The following SLCO1A2 variants were observed in gnomAD, a reference collection of about 807,000 sequenced individuals.
SLCO1A2 encodes OATP-1.
Under a neutral mutation model 69.0 loss-of-function variants are expected in SLCO1A2, and 67 were observed. That is an observed-to-expected ratio of 0.97 (90% CI 0.80 to 1.19). The LOEUF is 1.19. SLCO1A2 is among the 50% of genes most tolerant of loss of function. SLCO1A2 has a pLI of 0.00. For missense variants in SLCO1A2, 787 were observed against 793.7 expected (o/e 0.99, Z 0.10); for synonymous variants, 260 against 265.9 (o/e 0.98, Z 0.22).
chr12:21,413,225 C>CTT (rs1294715900), intron 1 of SLCO1A2, among the ~76,000 whole-genome samples: 3 of 106,998 alleles, frequency 2.8e-5, no homozygotes, highest in African/African-American at 1.1e-4. Context: ...TTCTTCTTTT[C>CTT]TTTTTCTTTT....
intron 2 of SLCO1A2, among the ~76,000 whole-genome samples, chr12:21,327,584 G>T (rs945529193): frequency 6.6e-6 from 1 of 152,194 alleles, no homozygotes; most frequent in African/African-American, 2.4e-5. Context: ...GTGTGACCTG[G>T]ATGTGAGACA....
At chr12:21,401,646 T>C (rs1282533726) in intron 1 of SLCO1A2, among the ~76,000 whole-genome samples, 6 of 151,852 alleles carry the variant, frequency 4.0e-5, no homozygotes, top group Non-Finnish European at 8.8e-5. Context: ...ATATTTTGTT[T>C]ATTTCTACTT....
At chr12:21,309,568 A>C (rs940112325) in intron 4 of SLCO1A2, among the ~76,000 whole-genome samples, 1 of 152,212 alleles carries the variant, frequency 6.6e-6, no homozygotes, top group African/African-American at 2.4e-5. Flanking sequence ...TCCAATCTAG[A>C]ATTTTATCCA....
chr12:21,280,122 G>C (rs184934893), intron 12 of SLCO1A2, among the ~76,000 whole-genome samples: 4 of 151,710 alleles, frequency 2.6e-5, no homozygotes, highest in Admixed American at 2.0e-4. Flanking sequence ...AAATAAAAAA[G>C]CAAGAAATTA....
upstream of SLCO1A2, among the ~76,000 whole-genome samples, chr12:21,418,234 T>C (rs1942019476): frequency 6.6e-6 from 1 of 152,186 alleles, no homozygotes; most frequent in Non-Finnish European, 1.5e-5. Context: ...AAATTCTTCC[T>C]GTCTGCAGAA....
At chr12:21,319,223 T>A in intron 2 of SLCO1A2, 1 of 749,300 alleles carries the variant, frequency 1.3e-6, no homozygotes, top group South Asian at 1.5e-5. Flanking sequence ...AACTTAAACA[T>A]GTCTTCAGAG....
intron 2 of SLCO1A2, among the ~76,000 whole-genome samples, chr12:21,371,809 C>G (rs1939815103): frequency 6.6e-6 from 1 of 152,040 alleles, no homozygotes. Flanking sequence ...TCGAGACCAG[C>G]CTGACCAACA....
intron 1 of SLCO1A2, among the ~76,000 whole-genome samples, chr12:21,387,264 G>C (rs191548017): frequency 3.3e-5 from 5 of 152,184 alleles, no homozygotes; most frequent in Non-Finnish European, 7.3e-5. Context: ...AGAAATTTGC[G>C]TAAGTAACAA....
chr12:21,305,263 G>A (rs528650701), intron 5 of SLCO1A2, among the ~76,000 whole-genome samples: 34 of 152,302 alleles, frequency 2.2e-4, no homozygotes, highest in African/African-American at 7.2e-4. Context: ...AAGATAGGGA[G>A]ATCTCTGAAG....
intron 14 of SLCO1A2, among the ~76,000 whole-genome samples, chr12:21,269,999 T>C (rs1942507485): frequency 6.7e-6 from 1 of 148,586 alleles, no homozygotes; most frequent in Non-Finnish European, 1.5e-5. Flanking sequence ...TCATCTTTTC[T>C]AATGTTTTAT....
chr12:21,275,947 A>C (rs1943750142), intron 12 of SLCO1A2, among the ~76,000 whole-genome samples: 1 of 152,196 alleles, frequency 6.6e-6, no homozygotes, highest in Non-Finnish European at 1.5e-5. Flanking sequence ...ATCTCAAAAA[A>C]AAAAAATTGT....
intron 1 of SLCO1A2, among the ~76,000 whole-genome samples, chr12:21,404,601 G>A (rs1331818163): frequency 7.9e-5 from 12 of 152,162 alleles, no homozygotes; most frequent in Admixed American, 7.9e-4. Context: ...ATTACATGGT[G>A]TATATATACC....
At chr12:21,317,295 C>T (rs906301559) in intron 3 of SLCO1A2, among the ~76,000 whole-genome samples, 7 of 152,186 alleles carry the variant, frequency 4.6e-5, no homozygotes, top group African/African-American at 1.7e-4. Flanking sequence ...CATTCCTAAT[C>T]CTTTCCAACT....
At chr12:21,310,052 T>C (rs1949920264) in intron 4 of SLCO1A2, among the ~76,000 whole-genome samples, 1 of 152,068 alleles carries the variant, frequency 6.6e-6, no homozygotes, top group South Asian at 2.1e-4. Flanking sequence ...AAATAAAAAG[T>C]TATATAAGTA....
intron 13 of SLCO1A2, 177 bp from the exon 14 acceptor site, chr12:21,274,763 A>T: frequency 1.4e-6 from 1 of 693,166 alleles, no homozygotes; most frequent in Non-Finnish European, 2.2e-6. Context: ...CTAAATTATT[A>T]AAAGATAAGT....
chr12:21,367,304 A>G (rs1939460609), intron 2 of SLCO1A2, among the ~76,000 whole-genome samples: 1 of 152,176 alleles, frequency 6.6e-6, no homozygotes, highest in African/African-American at 2.4e-5. Context: ...CATCAAAATA[A>G]GGACATAAAT....
chr12:21,376,317 T>G (rs1303928050), intron 1 of SLCO1A2: 1 of 359,172 alleles, frequency 2.8e-6, no homozygotes, highest in Non-Finnish European at 5.7e-6. Flanking sequence ...TATTACTTTT[T>G]TTGAGATGTT....
chr12:21,360,773 G>A lies in SLCO1A2; in HGVS notation c.-63+13626C>T, dbSNP rs561954250. 1.2e-4 allele frequency among the ~76,000 whole-genome samples: 19 copies of A among 152,336 alleles called. 1 individual carries two copies. In the South Asian group the frequency reaches 2.9e-3, roughly 23 times the overall value. ...CTGGCTTGGAGGCTCCCACACCCAC[G>A]GAGGCTCGCTCACTGCTAGCACAGC... On this transcript the variant is annotated intron_variant, in intron 2 of 15. Transcript: ENST00000307378.
chr12:21,359,089 G>A (rs1441711021), intron 2 of SLCO1A2, among the ~76,000 whole-genome samples: 1 of 152,092 alleles, frequency 6.6e-6, no homozygotes, highest in Non-Finnish European at 1.5e-5. Context: ...GGGATTTTTA[G>A]ACCCCAGAAA....
Sources: gnomAD v4.1 joint callset for allele counts (sites outside exome capture counted in the v4.1 genomes callset) on GRCh38, gnomAD v4.1.1 for gene constraint, MANE v1.5 for transcripts, NCBI Gene and HGNC (gene_info 2026-07-23, HGNC 2026-07-21) for gene names.